The following PRKACB variants were observed in gnomAD, a reference collection of about 807,000 sequenced individuals.
The protein encoded by PRKACB is cAMP-dependent protein kinase catalytic subunit beta.
In PRKACB, 16 loss-of-function variants were observed where a neutral mutation model predicts 51.4. The ratio of observed to expected loss-of-function variants is 0.31; its 90% confidence interval spans 0.21 to 0.47. The LOEUF is 0.47. Among genes scored for constraint, PRKACB ranks in the 20% least tolerant of loss-of-function variants. PRKACB has a pLI of 1.00. For missense variants in PRKACB, 309 were observed against 464.5 expected (o/e 0.67, Z 3.08); for synonymous variants, 147 against 154.4 (o/e 0.95, Z 0.35).
chr1:84,119,199 A>G (rs1650862686), intron 1 of PRKACB, among the ~76,000 whole-genome samples: 1 of 152,116 alleles, frequency 6.6e-6, no homozygotes, highest in South Asian at 2.1e-4. Flanking sequence ...TGACTGAAAT[A>G]CTTCTGAGAA....
intron 1 of PRKACB, among the ~76,000 whole-genome samples, chr1:84,087,604 C>A (rs1215928467): frequency 6.6e-6 from 1 of 151,608 alleles, no homozygotes; most frequent in African/African-American, 2.4e-5. Flanking sequence ...ACTGTGTTGC[C>A]CAGGCTGGAC....
chr1:84,127,992 C>A (rs1474675041), intron 1 of PRKACB, among the ~76,000 whole-genome samples: 4 of 139,836 alleles, frequency 2.9e-5, no homozygotes, highest in Non-Finnish European at 4.7e-5. Flanking sequence ...AGAATTATTT[C>A]TTTTCTTTTT....
chr1:84,116,221 A>G (rs994851265), intron 1 of PRKACB, among the ~76,000 whole-genome samples: 7 of 152,088 alleles, frequency 4.6e-5, no homozygotes, highest in African/African-American at 1.7e-4. Context: ...TTTTATACCA[A>G]TACTGTGCTG....
At chr1:84,105,966 A>G (rs1649708188) in intron 1 of PRKACB, among the ~76,000 whole-genome samples, 1 of 146,100 alleles carries the variant, frequency 6.8e-6, no homozygotes, top group African/African-American at 2.5e-5. Context: ...AAAATGTTGA[A>G]TCAACAAAAC....
chr1:84,111,970 A>G (rs1010062256), intron 1 of PRKACB, among the ~76,000 whole-genome samples: 1 of 152,156 alleles, frequency 6.6e-6, no homozygotes, highest in Admixed American at 6.5e-5. Flanking sequence ...AGTAGTCAAG[A>G]AGACTAATTA....
At chr1:84,212,109 A>G (rs1672221031) in intron 8 of PRKACB, among the ~76,000 whole-genome samples, 1 of 152,168 alleles carries the variant, frequency 6.6e-6, no homozygotes, top group Non-Finnish European at 1.5e-5. Flanking sequence ...TACATTTAAA[A>G]TGTTATGATC....
intron 1 of PRKACB, among the ~76,000 whole-genome samples, chr1:84,121,511 TC>T (rs1388710005): frequency 6.6e-6 from 1 of 152,130 alleles, no homozygotes; most frequent in Non-Finnish European, 1.5e-5. Flanking sequence ...CCCTAAACTT[TC>T]CCTTATTCAG....
intron 1 of PRKACB, among the ~76,000 whole-genome samples, chr1:84,136,368 A>G (rs1477026375): frequency 6.6e-6 from 1 of 151,982 alleles, no homozygotes; most frequent in Admixed American, 6.5e-5. Context: ...AAAAATCTGA[A>G]TAGCCATCTT....
intron 1 of PRKACB, among the ~76,000 whole-genome samples, chr1:84,089,496 C>T (rs1480439517): frequency 1.3e-5 from 2 of 152,138 alleles, no homozygotes; most frequent in East Asian, 3.9e-4. Flanking sequence ...ATGTATCATT[C>T]AACTGTGCCA....
chr1:84,105,473 A>G (rs1157879131), intron 1 of PRKACB, among the ~76,000 whole-genome samples: 2 of 152,114 alleles, frequency 1.3e-5, no homozygotes, highest in Non-Finnish European at 2.9e-5. Flanking sequence ...ATCATTACCT[A>G]CATGTAAGAA....
chr1:84,185,121 G>A lies in PRKACB; in HGVS notation c.499G>A (p.Val167Ile). 1 of 1,497,118 alleles carries A rather than the reference G, an allele frequency of 6.7e-7. No homozygotes were observed. Among genetic ancestry groups the A allele is most frequent in the Non-Finnish European group, 8.9e-7 (1 of 1,120,776 alleles). 92.7% of individuals were successfully genotyped at this position (1,497,118 alleles called of 1,614,324 possible). The change falls in exon 5 of 10, where the codon GTT becomes ATT. Residue 167 changes from valine (V) to isoleucine (I), a missense_variant. By Grantham distance (29) the Val-to-Ile change is conservative (BLOSUM62 3). This residue lies in a region of PRKACB where 153 missense variants were observed against 190.2 expected (regional missense o/e 0.80). Coordinates refer to ENST00000370685, the MANE Select transcript of PRKACB (RefSeq NM_182948.4). ...ATAGGATAATTCTAATTTATACATG[G>A]TTATGGAATATGTCCCTGGGGGTGA... ...AFKDNSNLYM[V>I]MEYVPGGEMF...
At chr1:84,234,202 G>T (rs2101723840) in intron 9 of PRKACB, among the ~76,000 whole-genome samples, 1 of 152,214 alleles carries the variant, frequency 6.6e-6, no homozygotes, top group East Asian at 1.9e-4. Flanking sequence ...CCCTGCTGGG[G>T]GGTGCCTCCC....
At chr1:84,092,953 T>A (rs974898787) in intron 1 of PRKACB, among the ~76,000 whole-genome samples, 1 of 151,788 alleles carries the variant, frequency 6.6e-6, no homozygotes, top group Admixed American at 6.6e-5. Flanking sequence ...TTCAAAAAAA[T>A]TGATTTGTAG....
chr1:84,085,808 G>T, intron 1 of PRKACB: 2 of 411,918 alleles, frequency 4.9e-6, no homozygotes, highest in Non-Finnish European at 9.1e-6. Context: ...TCTCAGGATC[G>T]GTGGCCACCT....
intron 1 of PRKACB, among the ~76,000 whole-genome samples, chr1:84,100,997 AGTTT>A (rs1201919168): frequency 0.014 from 2,200 of 152,256 alleles, 52 homozygotes; most frequent in African/African-American, 0.05. Flanking sequence ...TACTTCATTT[AGTTT>A]TCTCCTTATT....
intron 1 of PRKACB, among the ~76,000 whole-genome samples, chr1:84,127,997 C>CTT (rs202007529): frequency 1.6e-5 from 2 of 128,888 alleles, no homozygotes; most frequent in African/African-American, 2.9e-5. Context: ...TATTTCTTTT[C>CTT]TTTTTTTTTC....
At chr1:84,136,150 G>A (rs114454276) in intron 1 of PRKACB, among the ~76,000 whole-genome samples, 1,698 of 151,802 alleles carry the variant, frequency 0.011, 41 homozygotes, top group African/African-American at 0.039. Context: ...TAAATGAAAT[G>A]GACCAATTCC....
intron 1 of PRKACB, among the ~76,000 whole-genome samples, chr1:84,113,293 C>T (rs866973198): frequency 2.8e-4 from 43 of 152,010 alleles, no homozygotes; most frequent in African/African-American, 9.9e-4. Context: ...TAAACTGTGA[C>T]CCAGGAATTC....
At chr1:84,217,924 A>C (rs1461609019) in intron 9 of PRKACB, among the ~76,000 whole-genome samples, 1 of 152,168 alleles carries the variant, frequency 6.6e-6, no homozygotes, top group Non-Finnish European at 1.5e-5. Flanking sequence ...TATTTATTGA[A>C]TAATTCTTAT....
Sources: allele counts gnomAD v4.1 joint callset (sites outside exome capture counted in the v4.1 genomes callset), GRCh38; gene constraint gnomAD v4.1.1; regional missense constraint gnomAD v4.1.1; transcripts MANE v1.5; gene names NCBI Gene and HGNC (gene_info 2026-07-23, HGNC 2026-07-21).